ADAMTS9: variants seen among roughly 807,000 people sequenced by gnomAD.
The protein encoded by ADAMTS9 is ADAM metallopeptidase with thrombospondin type 1 motif 9, also known as A disintegrin and metalloproteinase with thrombospondin motifs 9.
Under a neutral mutation model 257.1 loss-of-function variants are expected in ADAMTS9, and 107 were observed. The observed-to-expected ratio is 0.42, with a 90% confidence interval of 0.36 to 0.49. ADAMTS9 has a LOEUF of 0.49. ADAMTS9 is among the 20% of genes least tolerant of loss of function. ADAMTS9 has a pLI of 0.03. For missense variants in ADAMTS9, 2,353 were observed against 2,469.1 expected (o/e 0.95, Z 1.00); for synonymous variants, 982 against 880.9 (o/e 1.11, Z -2.03).
At chr3:64,517,416 G>GTTTTTTTTGTTTTTTTTT (rs1553698668) in intron 39 of ADAMTS9, among the ~76,000 whole-genome samples, 15 of 52,638 alleles carry the variant, frequency 2.8e-4, no homozygotes, top group African/African-American at 7.4e-4. Flanking sequence ...ATTAAAAATG[G>GTTTTTTTTGTTTTTTTTT]TTTTTTTTTT....
chr3:64,654,527 T>C lies in ADAMTS9; in HGVS notation c.1210+45A>G, dbSNP rs1352958156. On this transcript the variant is annotated intron_variant, in intron 7 of 39. Coordinates refer to ENST00000498707, the MANE Select transcript of ADAMTS9 (RefSeq NM_182920.2). The stretch of plus-strand genomic sequence containing the variant: ...AACTGTGGCTTGAAATACAAACATG[T>C]AGTAAAACGGTTTTAGCCATAGAAG... 3 of 1,477,950 alleles carry C rather than the reference T, an allele frequency of 2.0e-6. No homozygotes were observed. In the African/African-American group the frequency reaches 8.6e-5, roughly 43 times the overall value. The allele number at this position is 1,477,950 out of a possible 1,614,324, so 91.6% of individuals were successfully genotyped here.
At chr3:64,614,016 G>A (rs2084715137) in intron 21 of ADAMTS9, among the ~76,000 whole-genome samples, 2 of 152,084 alleles carry the variant, frequency 1.3e-5, no homozygotes, top group Non-Finnish European at 2.9e-5. Context: ...CATACTTACT[G>A]TAGAAAATTT....
chr3:64,638,871 A>G (rs915658086), intron 12 of ADAMTS9, among the ~76,000 whole-genome samples: 2 of 152,068 alleles, frequency 1.3e-5, no homozygotes, highest in Non-Finnish European at 2.9e-5. Context: ...AATATTGTGA[A>G]AAAAGAAAAA....
Position 64,687,508 on chromosome 3 carries a change from G to A in ADAMTS9, c.115+35C>T. 2 of 1,487,390 alleles carry A rather than the reference G, an allele frequency of 1.3e-6. No individual in the cohort carries two copies. The highest frequency in any genetic ancestry group is 1.8e-6 in the Non-Finnish European group (2 of 1,108,340). 92.1% of individuals were successfully genotyped at this position (1,487,390 alleles called of 1,614,324 possible). A position where few individuals can be genotyped will look rare whatever the true frequency, so the allele number is the denominator to read the frequency against. On this transcript the variant is annotated intron_variant, in intron 1 of 39. Coordinates refer to ENST00000498707, the MANE Select transcript of ADAMTS9 (RefSeq NM_182920.2). The surrounding 1 kb of genome is among the most constrained non-coding windows in gnomAD (Gnocchi z 4.4). The stretch of plus-strand genomic sequence containing the variant: ...AGCGAGGACCGGGAGGCGGCGTCGG[G>A]GCCGGCGGGGTCCCGGGGGCCGGAG...
Position 64,594,387 on chromosome 3 carries a change from A to G in ADAMTS9, c.4227T>C (p.Cys1409=). Residue 1409 remains cysteine, a synonymous_variant, in exon 28 of 40, where the codon TGT becomes TGC. Transcript: ENST00000498707. ...GAAACCGTTCACCGTTGGACCGCTG[A>G]CAGACCACCAGTCTTGTTCTTATGC... ...GGGIRTRLVV[C]QRSNGERFPD... is the part of the protein sequence containing the mutation. 2 of 1,614,098 alleles carry G rather than the reference A, an allele frequency of 1.2e-6. No homozygotes were observed. The highest frequency in any genetic ancestry group is 1.3e-5 in the African/African-American group (1 of 75,050).
At chr3:64,617,499 C>A (rs1699988967) in intron 19 of ADAMTS9, among the ~76,000 whole-genome samples, 2 of 152,160 alleles carry the variant, frequency 1.3e-5, no homozygotes, top group Non-Finnish European at 2.9e-5. Flanking sequence ...TTTGTAGTCT[C>A]TCCCTGGATG....
rs1383902407 is a variant in ADAMTS9, at chr3:64,649,706, G to A, written c.1536C>T (p.Gly512=). The part of the protein sequence containing the change: ...RPYPLPVQLP[G]ILYNVNKQCE... ...ATTGTTTATTCACGTTGTAAAGGAT[G>A]CCTGGCAGTTGGACAGGCAAAGGGT... is the stretch of plus-strand genomic sequence containing the variant. The change falls in exon 10 of 40, where the codon GGC becomes GGT. Residue 512 remains glycine (G), a synonymous_variant. Coordinates refer to ENST00000498707, the MANE Select transcript of ADAMTS9 (RefSeq NM_182920.2). 2 of 1,614,076 alleles carry A rather than the reference G, an allele frequency of 1.2e-6. No homozygotes were observed. Among genetic ancestry groups the A allele is most frequent in the Non-Finnish European group, 1.7e-6 (2 of 1,179,990 alleles).
Position 64,658,667 on chromosome 3 carries a change from A to G in ADAMTS9, c.804T>C (p.Ala268=). The G allele has an allele frequency of 6.2e-7, 1 of 1,613,992 alleles. No homozygotes were observed. Among genetic ancestry groups the G allele is most frequent in the East Asian group, 2.2e-5 (1 of 44,836 alleles). The change falls in exon 4 of 40, where the codon GCT becomes GCC. Residue 268 remains alanine, a synonymous_variant. Transcript: ENST00000498707. ...NSGLATEAFS[A]YGNKTDNTRE... ...TTGTGTTGTCCGTCTTATTACCATAAGCAGAAAATGCCTCTGTTGCTAAGC... is the reference window on the plus strand; with the variant it reads ...TTGTGTTGTCCGTCTTATTACCATAGGCAGAAAATGCCTCTGTTGCTAAGC...
intron 29 of ADAMTS9, chr3:64,565,554 A>T (rs1297029175): frequency 6.6e-6 from 1 of 152,236 alleles, no homozygotes; most frequent in Non-Finnish European, 1.5e-5. Flanking sequence ...TGATTGATTA[A>T]TGCATTGGTG....
intron 16 of ADAMTS9, 124 bp from the exon 17 acceptor site, chr3:64,622,710 A>G (rs1700138903): frequency 9.6e-7 from 1 of 1,036,608 alleles, no homozygotes. Context: ...TGAGGCAGAC[A>G]GGCATGGCTT....
intron 14 of ADAMTS9, 49 bp downstream of exon 14, chr3:64,633,423 A>C: frequency 6.2e-7 from 1 of 1,606,824 alleles, no homozygotes; most frequent in South Asian, 1.1e-5. Flanking sequence ...CACAAATCAC[A>C]GGTTGGCAGC....
chr3:64,545,947 G>A lies in ADAMTS9; in HGVS notation c.5064+811C>T, dbSNP rs563209385. ...CTGCCTGGTCCAGAGCCAGGGGGCT[G>A]TGACAGTCTTCCAGGGCAGTCCCAA... On this transcript the variant is annotated intron_variant, in intron 32 of 39. Transcript: ENST00000498707. 3.3e-5 allele frequency among the ~76,000 whole-genome samples: 5 copies of A among 152,232 alleles called. No homozygotes were observed. The South Asian group carries it at 1.0e-3, about 32-fold the overall frequency.
intron 28 of ADAMTS9, chr3:64,582,607 G>A (rs959212449): frequency 7.9e-5 from 12 of 152,146 alleles, no homozygotes; most frequent in African/African-American, 2.9e-4. Context: ...GGAACATTTG[G>A]CAACGTCTGA....
intron 38 of ADAMTS9, 144 bp from the exon 39 acceptor site, chr3:64,522,404 A>C: frequency 3.3e-6 from 2 of 613,872 alleles, no homozygotes; most frequent in South Asian, 2.6e-5. Flanking sequence ...CCATGGTCTA[A>C]AGCAGGGGCT....
intron 22 of ADAMTS9, among the ~76,000 whole-genome samples, chr3:64,608,366 A>C (rs1372250002): frequency 6.6e-6 from 1 of 151,948 alleles, no homozygotes; most frequent in Non-Finnish European, 1.5e-5. Flanking sequence ...CAGAACCAGA[A>C]ATTGATTTTT....
At chr3:64,520,666 T>G (rs2106868060) in intron 39 of ADAMTS9, among the ~76,000 whole-genome samples, 1 of 152,176 alleles carries the variant, frequency 6.6e-6, no homozygotes, top group South Asian at 2.1e-4. Flanking sequence ...CCAACTGGAC[T>G]TCAACACAAT....
chr3:64,543,304 G>C (rs2083152492), intron 32 of ADAMTS9, among the ~76,000 whole-genome samples: 2 of 152,230 alleles, frequency 1.3e-5, no homozygotes, highest in African/African-American at 4.8e-5. Flanking sequence ...GCCTGGCAGA[G>C]ACACAACAAA....
At chr3:64,685,513 G>A (rs1701878682) in intron 2 of ADAMTS9, among the ~76,000 whole-genome samples, 1 of 152,202 alleles carries the variant, frequency 6.6e-6, no homozygotes, top group African/African-American at 2.4e-5. Flanking sequence ...AGAAACGCAC[G>A]TCGCTTGGGA....
chr3:64,580,387 T>C (rs1234532743), intron 28 of ADAMTS9, among the ~76,000 whole-genome samples: 1 of 152,120 alleles, frequency 6.6e-6, no homozygotes, highest in Non-Finnish European at 1.5e-5. Context: ...TAAAGTGAAT[T>C]TGATAGAATG....
Sources: gnomAD v4.1 joint callset for allele counts (sites outside exome capture counted in the v4.1 genomes callset) on GRCh38, gnomAD v4.1.1 for gene constraint, Gnocchi (gnomAD v3.1) non-coding constraint, MANE v1.5 for transcripts, NCBI Gene and HGNC (gene_info 2026-07-23, HGNC 2026-07-21) for gene names.